ANKMY1: variants seen among roughly 807,000 people sequenced by gnomAD.
ANKMY1 encodes ankyrin repeat and MYND domain-containing protein 1.
ANKMY1 carries 98 observed loss-of-function variants against 102.0 expected under a neutral mutation model. The ratio of observed to expected loss-of-function variants is 0.96; its 90% CI spans 0.82 to 1.14. The LOEUF is 1.14. Among genes scored for constraint, ANKMY1 ranks in the 50% most tolerant of loss-of-function variants. ANKMY1 has a pLI of 0.00. For missense variants in ANKMY1, 1,330 were observed against 1,347.6 expected, an observed-to-expected ratio of 0.99 and a Z score of 0.20; for synonymous variants, 582 against 559.9, an observed-to-expected ratio of 1.04 and a Z score of -0.56.
chr2:240,491,316 A>G lies in ANKMY1; in HGVS notation c.2806+8642T>C, dbSNP rs146624699. Among the ~76,000 whole-genome samples the G allele has an allele frequency of 8.6e-3, 1,304 of 152,228 alleles. 16 individuals carry two copies. The highest frequency in any genetic ancestry group is 0.029 in the African/African-American group (1,204 of 41,548). ...ATCCACTTAGCTATTCTAGCTTTTA[A>G]GAGGATAATTTAATTTGTTCATGTT... On this transcript the variant is annotated intron_variant, in intron 15 of 17. Coordinates refer to ENST00000401804, the MANE Select transcript of ANKMY1 (RefSeq NM_001282771.3).
upstream of ANKMY1, chr2:240,558,543 C>T (rs1360957545): frequency 6.6e-6 from 1 of 152,296 alleles, no homozygotes; most frequent in Non-Finnish European, 1.5e-5. Flanking sequence ...CGCAGGAGCT[C>T]TCCAGGCTAC....
Position 240,520,662 on chromosome 2 carries a change from TCACA to T in ANKMY1, c.1833-133_1833-130del, listed in dbSNP as rs951999389. ...GTATGTGTGTGCCGCAACTACACAA[TCACA>T]CACACAGCACACACCCACACACGCA... On this transcript the variant is annotated intron_variant, in intron 8 of 17. Transcript: ENST00000401804. This position sits in a 1 kb window ranked among gnomAD's most constrained non-coding sequence, Gnocchi z 4.8. 5.8e-5 allele frequency: 68 copies of T among 1,165,334 alleles called. No homozygotes were observed. The East Asian group carries it at 1.7e-3, about 29-fold the overall frequency. 72.2% of individuals were successfully genotyped at this position (1,165,334 alleles called of 1,614,324 possible).
intron 15 of ANKMY1, among the ~76,000 whole-genome samples, chr2:240,496,367 GATA>G (rs1211120490): frequency 8.3e-5 from 10 of 120,550 alleles, no homozygotes; most frequent in Non-Finnish European, 1.4e-4. Context: ...TAGATAGATA[GATA>G]GATAGATAGA....
intron 4 of ANKMY1, among the ~76,000 whole-genome samples, chr2:240,547,780 C>A (rs2090709781): frequency 6.7e-6 from 1 of 148,318 alleles, no homozygotes; most frequent in African/African-American, 2.5e-5. Flanking sequence ...GGATAAATTC[C>A]TCAACACATA....
chr2:240,483,723 A>G (rs2075717939), intron 15 of ANKMY1, among the ~76,000 whole-genome samples: 1 of 152,108 alleles, frequency 6.6e-6, no homozygotes, highest in Admixed American at 6.6e-5. Context: ...TCTGGGGTAC[A>G]TTTGCAGAAC....
At position 240,526,246 on chromosome 2, in the gene ANKMY1, C is replaced by G. The variant is rs766821449; in HGVS notation, c.1153G>C (p.Val385Leu). Residue 385 changes from valine to leucine, a missense_variant, in exon 6 of 18, where the codon GTG (valine) becomes CTG (leucine). By Grantham distance (32) the Val-to-Leu change is conservative. Coordinates refer to ENST00000401804, the MANE Select transcript of ANKMY1 (RefSeq NM_001282771.3). ...GGGCTTACAGCAGCCGCAGCAAGCA[C>G]AGTGTAGCCCTTTGCGTCCGCCACG... ...ADVADAKGYT[V>L]LAAAATHCHN... 6.2e-7 allele frequency: 1 copy of G among 1,614,082 alleles called. No homozygotes were observed.
At chr2:240,482,017 T>C (rs902280009) in intron 16 of ANKMY1, among the ~76,000 whole-genome samples, 166 bp downstream of exon 16, 7 of 152,064 alleles carry the variant, frequency 4.6e-5, no homozygotes, top group African/African-American at 1.7e-4. Context: ...TCATCTTGGT[T>C]GAAGCCCACA....
intron 5 of ANKMY1, chr2:240,527,104 ATGGG>A: frequency 9.6e-6 from 2 of 208,450 alleles, no homozygotes; most frequent in Non-Finnish European, 1.4e-5. Context: ...GGATGAATGG[ATGGG>A]TGGGTGGGAA....
intron 15 of ANKMY1, among the ~76,000 whole-genome samples, chr2:240,492,119 A>G (rs2076724736): frequency 6.6e-6 from 1 of 152,046 alleles, no homozygotes; most frequent in African/African-American, 2.4e-5. Flanking sequence ...CAGCCTCCCA[A>G]GCAGCTAGTA....
At chr2:240,511,153 CCAGT>C (rs2080105628) in intron 11 of ANKMY1, among the ~76,000 whole-genome samples, 1 of 152,198 alleles carries the variant, frequency 6.6e-6, no homozygotes, top group Non-Finnish European at 1.5e-5. Flanking sequence ...CATCCCCATC[CCAGT>C]GTCACCCGCA....
rs1401645797 is a variant in ANKMY1 at position 240,506,986 on chromosome 2, C to T, written c.2526+574G>A. Among the ~76,000 whole-genome samples, 4 of 152,098 alleles carry T rather than the reference C, an allele frequency of 2.6e-5. No individual in the cohort carries two copies. The highest frequency in any genetic ancestry group is 2.1e-4 in the South Asian group (1 of 4,822). ...GCCAGGAGACAATGCCCCAAACCCCCGCCCAGCAGCTGCGTGGACCACTGA... is the reference window on the plus strand; with the variant it reads ...GCCAGGAGACAATGCCCCAAACCCCTGCCCAGCAGCTGCGTGGACCACTGA... On this transcript the variant is annotated intron_variant, in intron 13 of 17. Coordinates refer to ENST00000401804, the MANE Select transcript of ANKMY1 (RefSeq NM_001282771.3). The surrounding 1 kb of genome is among the most constrained non-coding windows in gnomAD (Gnocchi z 4.9).
Position 240,482,276 on chromosome 2 carries a change from G to T in ANKMY1, c.2807-15C>A. The T allele has an allele frequency of 6.2e-7, 1 of 1,606,802 alleles. No homozygotes were observed. ...GATCAGCTCCGCTGCATGAGAGAGG[G>T]TCCCGCATTAGTACCCACGTGGCAG... is the stretch of plus-strand genomic sequence containing the variant. On this transcript the variant is annotated splice_polypyrimidine_tract_variant and intron_variant, in intron 15 of 17. Transcript: ENST00000401804.
At chr2:240,533,114 G>A (rs1355757430) in intron 4 of ANKMY1, among the ~76,000 whole-genome samples, 2 of 152,182 alleles carry the variant, frequency 1.3e-5, no homozygotes, top group Non-Finnish European at 1.5e-5. Context: ...AAAATTAAAC[G>A]TATCTATAAA....
intron 13 of ANKMY1, 28 bp from the exon 14 acceptor site, chr2:240,500,593 C>T (rs369620209): frequency 5.7e-5 from 91 of 1,598,840 alleles, no homozygotes; most frequent in East Asian, 2.7e-4. Context: ...AGGTCAAACA[C>T]GCAAGGACAT....
intron 11 of ANKMY1, 50 bp from the exon 12 acceptor site, chr2:240,509,505 G>T: frequency 1.6e-6 from 2 of 1,269,366 alleles, no homozygotes; most frequent in Non-Finnish European, 2.2e-6. Flanking sequence ...CCCATAAGCA[G>T]CACCTGATGG....
chr2:240,478,042 T>C (rs927792021), downstream of ANKMY1, among the ~76,000 whole-genome samples: 19 of 152,164 alleles, frequency 1.2e-4, no homozygotes, highest in Non-Finnish European at 2.4e-4. Flanking sequence ...CCCCATCTGG[T>C]GCAGTTCTCG....
chr2:240,502,927 T>G (rs1173350058), intron 13 of ANKMY1, among the ~76,000 whole-genome samples: 1 of 150,964 alleles, frequency 6.6e-6, no homozygotes, highest in African/African-American at 2.4e-5. Flanking sequence ...GTTCCCCTGC[T>G]GAGGCTCCCC....
intron 1 of ANKMY1, among the ~76,000 whole-genome samples, chr2:240,557,611 G>C (rs1399612025): frequency 6.6e-6 from 1 of 152,334 alleles, no homozygotes; most frequent in African/African-American, 2.4e-5. Context: ...ATCACAGCAA[G>C]GGCGGTCGCG....
intron 4 of ANKMY1, among the ~76,000 whole-genome samples, chr2:240,533,655 GCCA>G (rs1161104689): frequency 6.6e-6 from 1 of 151,500 alleles, no homozygotes; most frequent in African/African-American, 2.4e-5. Flanking sequence ...ATGGCTAGTG[GCCA>G]CCACGTTGGA....
Sources: allele counts gnomAD v4.1 joint callset (sites outside exome capture counted in the v4.1 genomes callset), GRCh38; gene constraint gnomAD v4.1.1; non-coding constraint Gnocchi (gnomAD v3.1); transcripts MANE v1.5; gene names NCBI Gene and HGNC (gene_info 2026-07-23, HGNC 2026-07-21).